SMAP1: variants seen among roughly 807,000 people sequenced by gnomAD.
SMAP1 encodes the protein small ArfGAP 1, also known as stromal membrane-associated protein 1.
Under a neutral mutation model 58.5 loss-of-function variants are expected in SMAP1, and 24 were observed. The ratio of observed to expected loss-of-function variants is 0.41; its 90% CI spans 0.30 to 0.58. The LOEUF (loss-of-function observed/expected upper bound fraction) is 0.58. Ranked by LOEUF, SMAP1 falls within the 20% of genes least tolerant of loss-of-function variation. The probability of loss-of-function intolerance (pLI) is 0.29; values close to 1 mark genes in which losing one functional copy is unlikely to be tolerated. For synonymous variants in SMAP1, 216 were observed against 196.6 expected (o/e 1.10, Z -0.82); for missense variants, 563 against 566.3 (o/e 0.99, Z 0.06).
At chr6:70,753,845 G>C (rs74432888) in intron 2 of SMAP1, among the ~76,000 whole-genome samples, 5 of 151,612 alleles carry the variant, frequency 3.3e-5, no homozygotes, top group African/African-American at 9.7e-5. Context: ...TATCTCTAGA[G>C]GGAAGACTTA....
At chr6:70,731,461 CA>C (rs1765428667) in intron 1 of SMAP1, among the ~76,000 whole-genome samples, 1 of 152,142 alleles carries the variant, frequency 6.6e-6, no homozygotes. Context: ...GTTACTGAAA[CA>C]AAAGTTTATA....
Position 70,736,597 on chromosome 6 carries a change from T to C in SMAP1, c.252+4086T>C, listed in dbSNP as rs1765627661. On this transcript the variant is annotated intron_variant, in intron 2 of 10. Transcript: ENST00000370455. Reference sequence around the variant, plus strand: ...TAGCATTTGTAAATATTAAGATTAGTAGATGTCTTTATTCTACTTGCAGCT... The same window carrying C: ...TAGCATTTGTAAATATTAAGATTAGCAGATGTCTTTATTCTACTTGCAGCT... Among the ~76,000 whole-genome samples the C allele has an allele frequency of 2.0e-5, 3 of 152,236 alleles. No homozygotes were observed. In the South Asian group the frequency reaches 6.2e-4, roughly 32 times the overall value.
chr6:70,778,165 A>G (rs1339524054), intron 4 of SMAP1, among the ~76,000 whole-genome samples: 2 of 152,204 alleles, frequency 1.3e-5, no homozygotes, highest in Non-Finnish European at 2.9e-5. Flanking sequence ...TAAAAATCAC[A>G]TAATGTAAAA....
chr6:70,755,885 A>G (rs1195252193), intron 3 of SMAP1, among the ~76,000 whole-genome samples: 3 of 151,996 alleles, frequency 2.0e-5, no homozygotes, highest in Admixed American at 6.6e-5. Flanking sequence ...ATTACATAGT[A>G]TTTTTTACAT....
At chr6:70,721,159 T>C (rs1444580866) in intron 1 of SMAP1, among the ~76,000 whole-genome samples, 2 of 152,356 alleles carry the variant, frequency 1.3e-5, no homozygotes, top group African/African-American at 4.8e-5. Flanking sequence ...ATAGTCAGGC[T>C]GCAAAGTTTT....
intron 1 of SMAP1, among the ~76,000 whole-genome samples, chr6:70,709,760 G>T (rs1234555873): frequency 6.6e-6 from 1 of 151,904 alleles, no homozygotes; most frequent in Non-Finnish European, 1.5e-5. Context: ...AAATGTCATT[G>T]GAATTGCATT....
intron 4 of SMAP1, among the ~76,000 whole-genome samples, chr6:70,775,235 A>G (rs1342914653): frequency 4.6e-5 from 7 of 152,180 alleles, no homozygotes; most frequent in Non-Finnish European, 1.0e-4. Context: ...GTATTTTCAT[A>G]TGAAATGTTA....
At chr6:70,668,622 C>T (rs1201958971) in intron 1 of SMAP1, 7 of 1,534,930 alleles carry the variant, frequency 4.6e-6, no homozygotes, top group African/African-American at 2.7e-5. Flanking sequence ...GATTCTTGGT[C>T]TCCTAGATGG....
chr6:70,814,305 A>C (rs1769519592), intron 6 of SMAP1, among the ~76,000 whole-genome samples: 2 of 152,230 alleles, frequency 1.3e-5, no homozygotes, highest in African/African-American at 4.8e-5. Context: ...TTGCATCAAA[A>C]GTATCAACAA....
chr6:70,733,446 G>C (rs1057340643), intron 2 of SMAP1, among the ~76,000 whole-genome samples: 7 of 152,186 alleles, frequency 4.6e-5, no homozygotes, highest in African/African-American at 1.7e-4. Flanking sequence ...AAACATACTA[G>C]TTATATCAAA....
At chr6:70,772,633 G>A (rs1044264687) in intron 3 of SMAP1, among the ~76,000 whole-genome samples, 13 of 152,140 alleles carry the variant, frequency 8.5e-5, no homozygotes, top group African/African-American at 3.1e-4. Flanking sequence ...CTCAATCCCA[G>A]TATAAATTAC....
chr6:70,836,937 A>C lies in SMAP1; in HGVS notation c.577-4A>C. ...ATTAATAAATCCAATTATTTACTTT[A>C]AAGCTGCAGAAGAAAGATCAGCAAC... On this transcript the variant is annotated splice_polypyrimidine_tract_variant and splice_region_variant and intron_variant, in intron 6 of 10. Coordinates refer to ENST00000370455, the MANE Select transcript of SMAP1 (RefSeq NM_001044305.3). 3 of 1,569,374 alleles carry C rather than the reference A, an allele frequency of 1.9e-6. No homozygotes were observed. Among genetic ancestry groups the C allele is most frequent in the Non-Finnish European group, 2.6e-6 (3 of 1,162,062 alleles).
intron 7 of SMAP1, among the ~76,000 whole-genome samples, chr6:70,839,916 CAAA>C (rs940518949): frequency 3.3e-5 from 5 of 152,134 alleles, no homozygotes; most frequent in Non-Finnish European, 5.9e-5. Context: ...CAGCTCAAAA[CAAA>C]CAGTGGTTCT....
chr6:70,700,202 G>A (rs1767570530), intron 1 of SMAP1, among the ~76,000 whole-genome samples: 1 of 152,206 alleles, frequency 6.6e-6, no homozygotes, highest in African/African-American at 2.4e-5. Context: ...GCAAGCACCT[G>A]CTTCACCTTC....
intron 1 of SMAP1, chr6:70,694,357 T>A (rs1767311586): frequency 6.2e-6 from 1 of 161,268 alleles, no homozygotes. Flanking sequence ...GGTGCTGATC[T>A]GTTTTCTGAT....
At chr6:70,735,564 T>G (rs1456300307) in intron 2 of SMAP1, among the ~76,000 whole-genome samples, 1 of 152,026 alleles carries the variant, frequency 6.6e-6, no homozygotes, top group Non-Finnish European at 1.5e-5. Context: ...GATCCGAGAG[T>G]TTGAGACCAG....
intron 3 of SMAP1, among the ~76,000 whole-genome samples, chr6:70,758,203 C>G (rs113531181): frequency 1.3e-5 from 2 of 151,182 alleles, no homozygotes; most frequent in Non-Finnish European, 3.0e-5. Context: ...AAAAATGATG[C>G]GTTCATGTCC....
intron 2 of SMAP1, 35 bp downstream of exon 2, chr6:70,732,546 A>G: frequency 1.4e-6 from 2 of 1,437,186 alleles, no homozygotes; most frequent in Non-Finnish European, 1.8e-6. Context: ...TATTTAAAAT[A>G]TTTAAAATGA....
At chr6:70,779,197 G>T (rs1767662410) in intron 4 of SMAP1, among the ~76,000 whole-genome samples, 1 of 152,232 alleles carries the variant, frequency 6.6e-6, no homozygotes, top group Non-Finnish European at 1.5e-5. Flanking sequence ...GTAGGCTTCT[G>T]CAGGACTCAG....
Sources: allele counts gnomAD v4.1 joint callset (sites outside exome capture counted in the v4.1 genomes callset), GRCh38; gene constraint gnomAD v4.1.1; transcripts MANE v1.5; gene names NCBI Gene and HGNC (gene_info 2026-07-23, HGNC 2026-07-21).